Variants in DRC11 observed in about 807,000 individuals in gnomAD.
The protein encoded by DRC11 is dynein regulatory complex subunit 11.
chr2:236,392,276 G>T, the DRC11 span: 1 of 1,595,358 alleles, frequency 6.3e-7, no homozygotes, highest in Non-Finnish European at 8.6e-7. This position sits in a 1 kb window ranked among gnomAD's most constrained non-coding sequence, Gnocchi z 5.1. Context: ...AATTCTTTTC[G>T]TTTCTCCTCT....
the DRC11 span, among the ~76,000 whole-genome samples, chr2:236,405,567 C>T: frequency 6.6e-6 from 1 of 152,068 alleles, no homozygotes; most frequent in African/African-American, 2.4e-5. The surrounding 1 kb of genome is among the most constrained non-coding windows in gnomAD (Gnocchi z 4.6). Flanking sequence ...CAGACAGTTG[C>T]TTTCTCATCG....
the DRC11 span, among the ~76,000 whole-genome samples, chr2:236,316,145 T>TTCTCTCTCTCTCTCTCTC: frequency 6.8e-3 from 993 of 146,140 alleles, 8 homozygotes; most frequent in Non-Finnish European, 8.2e-3. This position sits in a 1 kb window ranked among gnomAD's most constrained non-coding sequence, Gnocchi z 6.8. Flanking sequence ...ACTTATTTTC[T>TTCTCTCTCTCTCTCTCTC]TCTCTCTCTC....
the DRC11 span, among the ~76,000 whole-genome samples, chr2:236,401,633 C>T: frequency 1.3e-5 from 2 of 152,154 alleles, no homozygotes; most frequent in South Asian, 2.1e-4. This position sits in a 1 kb window ranked among gnomAD's most constrained non-coding sequence, Gnocchi z 4.6. Flanking sequence ...GCGGAGGAAG[C>T]GTGAAGACCT....
the DRC11 span, among the ~76,000 whole-genome samples, chr2:236,354,975 A>AG: frequency 6.6e-6 from 1 of 152,140 alleles, no homozygotes; most frequent in Non-Finnish European, 1.5e-5. Context: ...ACCCTGGTCT[A>AG]GGGGCCTTTC....
At chr2:236,356,968 A>ATTTTATTCATATATTATATATCTATATAT in the DRC11 span, among the ~76,000 whole-genome samples, 6 of 107,068 alleles carry the variant, frequency 5.6e-5, 1 homozygote, top group African/African-American at 2.4e-4. Context: ...AAATATATAT[A>ATTTTATTCATATATTATATATCTATATAT]TTATATATTC....
the DRC11 span, among the ~76,000 whole-genome samples, chr2:236,403,205 G>A: frequency 3.9e-5 from 6 of 152,090 alleles, no homozygotes; most frequent in South Asian, 2.1e-4. Flanking sequence ...AACAGCATGT[G>A]TGAAGTCCAG....
At chr2:236,342,752 G>A in the DRC11 span, among the ~76,000 whole-genome samples, 1 of 152,194 alleles carries the variant, frequency 6.6e-6, no homozygotes, top group Admixed American at 6.5e-5. The surrounding 1 kb of genome is among the most constrained non-coding windows in gnomAD (Gnocchi z 5.8). Flanking sequence ...TGGCATTCAT[G>A]CCTCTTGCAG....
At chr2:236,331,353 A>C in the DRC11 span, 2 of 1,599,746 alleles carry the variant, frequency 1.3e-6, no homozygotes, top group Non-Finnish European at 1.7e-6. The surrounding 1 kb of genome is among the most constrained non-coding windows in gnomAD (Gnocchi z 4.8). Context: ...CAGGGTGTTC[A>C]TTTACCTTAA....
the DRC11 span, chr2:236,331,342 T>C: frequency 3.2e-5 from 49 of 1,554,464 alleles, no homozygotes; most frequent in East Asian, 9.6e-4. This position sits in a 1 kb window ranked among gnomAD's most constrained non-coding sequence, Gnocchi z 4.8. Context: ...GACTTGGTCA[T>C]CAGGGTGTTC....
chr2:236,429,376 T>C, the DRC11 span, among the ~76,000 whole-genome samples: 1 of 152,168 alleles, frequency 6.6e-6, no homozygotes, highest in South Asian at 2.1e-4. The surrounding 1 kb of genome is among the most constrained non-coding windows in gnomAD (Gnocchi z 5.9). Flanking sequence ...ATGGGCATCT[T>C]TAGGCTGAGC....
the DRC11 span, among the ~76,000 whole-genome samples, chr2:236,373,421 T>C: frequency 2.0e-5 from 3 of 152,048 alleles, no homozygotes; most frequent in Admixed American, 2.0e-4. Context: ...TGGCTAACTT[T>C]TGTAATTTTT....
At chr2:236,434,621 C>T in the DRC11 span, among the ~76,000 whole-genome samples, 1 of 152,160 alleles carries the variant, frequency 6.6e-6, no homozygotes, top group Non-Finnish European at 1.5e-5. The surrounding 1 kb of genome is among the most constrained non-coding windows in gnomAD (Gnocchi z 5.5). Context: ...TTTGTAATCA[C>T]CATGCCGTTC....
the DRC11 span, among the ~76,000 whole-genome samples, chr2:236,414,755 G>A: frequency 3.9e-5 from 6 of 152,152 alleles, no homozygotes; most frequent in African/African-American, 1.2e-4. Context: ...AAGGAACTGC[G>A]AACGTTCATA....
At chr2:236,337,969 G>C in the DRC11 span, among the ~76,000 whole-genome samples, 1 of 152,208 alleles carries the variant, frequency 6.6e-6, no homozygotes, top group East Asian at 1.9e-4. This position sits in a 1 kb window ranked among gnomAD's most constrained non-coding sequence, Gnocchi z 4.9. Context: ...CATAATCCTT[G>C]TCCAGTTTCC....
At chr2:236,499,430 C>T in the DRC11 span, among the ~76,000 whole-genome samples, 21 of 152,254 alleles carry the variant, frequency 1.4e-4, no homozygotes, top group African/African-American at 4.8e-4. This position sits in a 1 kb window ranked among gnomAD's most constrained non-coding sequence, Gnocchi z 4.7. Context: ...CCCTTTCCCA[C>T]ATTTTCTTTT....
At chr2:236,452,620 G>T in the DRC11 span, among the ~76,000 whole-genome samples, 7 of 152,218 alleles carry the variant, frequency 4.6e-5, no homozygotes, top group Non-Finnish European at 7.3e-5. This position sits in a 1 kb window ranked among gnomAD's most constrained non-coding sequence, Gnocchi z 4.7. Context: ...AAACTGAGGG[G>T]CTCACTATTT....
the DRC11 span, among the ~76,000 whole-genome samples, chr2:236,496,090 A>C: frequency 6.6e-6 from 1 of 152,342 alleles, no homozygotes; most frequent in South Asian, 2.1e-4. The surrounding 1 kb of genome is among the most constrained non-coding windows in gnomAD (Gnocchi z 6.3). Flanking sequence ...ATATGATTTA[A>C]TAACTATTTG....
the DRC11 span, among the ~76,000 whole-genome samples, chr2:236,346,986 T>C: frequency 3.3e-5 from 5 of 152,296 alleles, no homozygotes; most frequent in African/African-American, 7.2e-5. Flanking sequence ...ACACTGTGCA[T>C]GCATGCTCCC....
the DRC11 span, among the ~76,000 whole-genome samples, chr2:236,388,077 C>G: frequency 6.6e-6 from 1 of 152,168 alleles, no homozygotes; most frequent in African/African-American, 2.4e-5. Flanking sequence ...CGACCTTTCT[C>G]TCTGGCTGCC....
Sources: allele counts gnomAD v4.1 joint callset (sites outside exome capture counted in the v4.1 genomes callset), GRCh38; gene constraint gnomAD v4.1.1; non-coding constraint Gnocchi (gnomAD v3.1); transcripts MANE v1.5; gene names NCBI Gene and HGNC (gene_info 2026-07-23, HGNC 2026-07-21).